The following PPM1H variants were observed in gnomAD, a reference collection of about 807,000 sequenced individuals.
The protein encoded by PPM1H is protein phosphatase 1H.
A neutral mutation model predicts 54.9 loss-of-function variants in PPM1H; 27 were observed. That is an observed-to-expected ratio of 0.49 (90% confidence interval 0.36 to 0.68). The LOEUF (loss-of-function observed/expected upper bound fraction) is 0.68. Ranked by LOEUF, PPM1H falls within the 30% of genes least tolerant of loss-of-function variation. PPM1H has a pLI of 0.00. For missense variants in PPM1H, 596 were observed against 667.8 expected (o/e 0.89, Z 1.19); for synonymous variants, 305 against 270.8 (o/e 1.13, Z -1.24).
chr12:62,779,501 T>C (rs1309294885), intron 4 of PPM1H, among the ~76,000 whole-genome samples: 1 of 152,254 alleles, frequency 6.6e-6, no homozygotes, highest in East Asian at 1.9e-4. Flanking sequence ...ATCAGTATGA[T>C]AACAATAATA....
In PPM1H at chr12:62,849,122, C is replaced by G. The variant is rs1315262418; in HGVS notation, c.246-16843G>C. Among the ~76,000 whole-genome samples, 3 of 152,130 alleles carry G rather than the reference C, an allele frequency of 2.0e-5. No individual in the cohort carries two copies. In the South Asian group the frequency reaches 6.2e-4, roughly 31 times the overall value. ...CAGGGGACACACAGGAAGCTTGTTT[C>G]CCAAGGCGGAAGTGGCTGCCATACA... is the stretch of plus-strand genomic sequence containing the variant. On this transcript the variant is annotated intron_variant, in intron 1 of 9. Transcript: ENST00000228705.
At chr12:62,773,154 C>CAAAAG (rs993930803) in intron 4 of PPM1H, among the ~76,000 whole-genome samples, 1 of 145,626 alleles carries the variant, frequency 6.9e-6, no homozygotes, top group Non-Finnish European at 1.5e-5. Context: ...CTCAAAAAAA[C>CAAAAG]AAAACAAAAC....
At chr12:62,925,021 C>T (rs547871407) in intron 1 of PPM1H, among the ~76,000 whole-genome samples, 5 of 152,082 alleles carry the variant, frequency 3.3e-5, no homozygotes, top group Admixed American at 6.6e-5. Context: ...CCAGCCTGAG[C>T]GACAGAGCAA....
chr12:62,803,106 C>T (rs1239011234), intron 2 of PPM1H, among the ~76,000 whole-genome samples: 2 of 152,214 alleles, frequency 1.3e-5, no homozygotes, highest in Admixed American at 6.5e-5. Context: ...CTAGCCCAGG[C>T]CTCACAAGAT....
At chr12:62,884,096 T>A (rs527896667) in intron 1 of PPM1H, among the ~76,000 whole-genome samples, 1 of 152,238 alleles carries the variant, frequency 6.6e-6, no homozygotes, top group African/African-American at 2.4e-5. Flanking sequence ...ACTCAAATGT[T>A]CAGATTACAC....
chr12:62,848,940 G>C (rs1565808716), intron 1 of PPM1H, among the ~76,000 whole-genome samples: 4 of 152,198 alleles, frequency 2.6e-5, no homozygotes, highest in Admixed American at 2.6e-4. Flanking sequence ...AGGATAATGG[G>C]GACTCCCAAA....
At chr12:62,800,736 GC>G (rs1419919601) in intron 3 of PPM1H, among the ~76,000 whole-genome samples, 2 of 152,182 alleles carry the variant, frequency 1.3e-5, no homozygotes, top group African/African-American at 4.8e-5. Flanking sequence ...TATGCAGGCT[GC>G]CGAGCAAGAA....
chr12:62,887,268 C>A (rs953440390), intron 1 of PPM1H, among the ~76,000 whole-genome samples: 22 of 152,196 alleles, frequency 1.4e-4, no homozygotes, highest in African/African-American at 5.1e-4. Context: ...AACAAAAGTG[C>A]AGCTTCCAAA....
chr12:62,686,771 T>C (rs1297263758), intron 8 of PPM1H, among the ~76,000 whole-genome samples: 2 of 152,198 alleles, frequency 1.3e-5, no homozygotes, highest in Non-Finnish European at 2.9e-5. Context: ...TACCAGGAAA[T>C]GTGTGTATCT....
At chr12:62,899,504 C>G (rs1006345666) in intron 1 of PPM1H, among the ~76,000 whole-genome samples, 1 of 152,190 alleles carries the variant, frequency 6.6e-6, no homozygotes, top group South Asian at 2.1e-4. Flanking sequence ...GTCTGACTGA[C>G]AAACCTCAGA....
intron 2 of PPM1H, among the ~76,000 whole-genome samples, chr12:62,828,020 A>G (rs948723845): frequency 6.6e-6 from 1 of 152,128 alleles, no homozygotes; most frequent in African/African-American, 2.4e-5. Context: ...CAATATGTTC[A>G]GTGGGTGAGG....
At chr12:62,801,710 CA>C in intron 3 of PPM1H, 105 bp downstream of exon 3, 1 of 1,245,640 alleles carries the variant, frequency 8.0e-7, no homozygotes, top group Non-Finnish European at 1.1e-6. Flanking sequence ...CAGGTGGAGC[CA>C]GGCAGCAAAA....
chr12:62,915,158 GTT>G (rs1280420995), intron 1 of PPM1H, among the ~76,000 whole-genome samples: 1 of 152,170 alleles, frequency 6.6e-6, no homozygotes, highest in East Asian at 1.9e-4. Context: ...TGCAGTTTTT[GTT>G]TTTTGTTGTT....
intron 4 of PPM1H, among the ~76,000 whole-genome samples, chr12:62,743,014 G>A (rs544588597): frequency 5.3e-5 from 8 of 152,122 alleles, no homozygotes; most frequent in Admixed American, 2.0e-4. Flanking sequence ...TGAGTCAACC[G>A]CAAGAATGGG....
At chr12:62,916,961 C>T (rs962693802) in intron 1 of PPM1H, among the ~76,000 whole-genome samples, 1 of 150,876 alleles carries the variant, frequency 6.6e-6, no homozygotes, top group African/African-American at 2.4e-5. Flanking sequence ...TGTGAAAGTT[C>T]AACTTACAAA....
At chr12:62,740,820 G>A (rs1204564017) in intron 4 of PPM1H, among the ~76,000 whole-genome samples, 1 of 152,204 alleles carries the variant, frequency 6.6e-6, no homozygotes, top group African/African-American at 2.4e-5. Flanking sequence ...TACACCAAAT[G>A]TGAAGTCCTT....
intron 1 of PPM1H, among the ~76,000 whole-genome samples, chr12:62,846,921 G>A (rs1031729355): frequency 1.3e-5 from 2 of 152,304 alleles, no homozygotes; most frequent in Admixed American, 1.3e-4. Context: ...ATGGGCTACT[G>A]TGTGGACTAA....
At chr12:62,831,970 G>T in intron 2 of PPM1H, 144 bp downstream of exon 2, 2 of 950,032 alleles carry the variant, frequency 2.1e-6, no homozygotes, top group Non-Finnish European at 1.6e-6. Context: ...ATGTCGTGAC[G>T]ATAGGCCCGC....
At chr12:62,758,845 C>A (rs80141706) in intron 4 of PPM1H, among the ~76,000 whole-genome samples, 2,722 of 152,304 alleles carry the variant, frequency 0.018, 62 homozygotes, top group East Asian at 0.093. Flanking sequence ...TGGCCTGAAG[C>A]AACTGAAGAT....
Sources: gnomAD v4.1 joint callset for allele counts (sites outside exome capture counted in the v4.1 genomes callset) on GRCh38, gnomAD v4.1.1 for gene constraint, MANE v1.5 for transcripts, NCBI Gene and HGNC (gene_info 2026-07-23, HGNC 2026-07-21) for gene names.